Variants in EMC2 observed in about 807,000 individuals in gnomAD.
EMC2 encodes TPR repeat protein 35.
A neutral mutation model predicts 51.6 loss-of-function variants in EMC2; 37 were observed. The observed-to-expected ratio is 0.72, with a 90% confidence interval of 0.55 to 0.94. The LOEUF (loss-of-function observed/expected upper bound fraction) is 0.94. Ranked by LOEUF, EMC2 falls within the 40% of genes least tolerant of loss-of-function variation. The pLI is 0.00. For synonymous variants in EMC2, 131 were observed against 112.4 expected, an observed-to-expected ratio of 1.17 and a Z score of -1.04; for missense variants, 359 against 350.9, an observed-to-expected ratio of 1.02 and a Z score of -0.18.
rs558105738 is a variant in EMC2, at chr8:108,460,996, A to G, written c.363+5066A>G. Among the ~76,000 whole-genome samples, 3 of 152,334 alleles carry G rather than the reference A, an allele frequency of 2.0e-5. No homozygotes were observed. In the East Asian group the frequency reaches 5.8e-4, roughly 29 times the overall value. On this transcript the variant is annotated intron_variant, in intron 5 of 10. Transcript: ENST00000220853. ...CTATATCCTTAGGAAGCACTGTGCT[A>G]GACATTGAAGGAGAAAACATAGCCA... is the stretch of plus-strand genomic sequence containing the variant.
intron 5 of EMC2, among the ~76,000 whole-genome samples, chr8:108,464,591 G>A (rs778447518): frequency 2.0e-5 from 3 of 152,220 alleles, no homozygotes; most frequent in African/African-American, 7.2e-5. Flanking sequence ...GGGTTGGTAC[G>A]GAGGACCAGG....
chr8:108,482,538 G>A (rs1299061703), intron 10 of EMC2, among the ~76,000 whole-genome samples: 2 of 151,484 alleles, frequency 1.3e-5, no homozygotes, highest in East Asian at 1.9e-4. Context: ...TTTACTTTTC[G>A]TATTTAATCC....
At chr8:108,461,117 A>G (rs541850168) in intron 5 of EMC2, among the ~76,000 whole-genome samples, 1 of 152,330 alleles carries the variant, frequency 6.6e-6, no homozygotes, top group African/African-American at 2.4e-5. Context: ...TCTTTTTCCA[A>G]AGCAACTTAG....
intron 5 of EMC2, among the ~76,000 whole-genome samples, chr8:108,457,719 T>C (rs2130356628): frequency 6.6e-6 from 1 of 152,288 alleles, no homozygotes; most frequent in African/African-American, 2.4e-5. Flanking sequence ...CATATGTGAA[T>C]TGTGGAAGTT....
intron 5 of EMC2, among the ~76,000 whole-genome samples, chr8:108,467,568 GTCTA>G (rs1483951864): frequency 6.6e-6 from 1 of 151,922 alleles, no homozygotes; most frequent in African/African-American, 2.4e-5. Flanking sequence ...TTTTAAAAAT[GTCTA>G]TTTATTTTTA....
At chr8:108,479,187 C>T in intron 10 of EMC2, 77 bp downstream of exon 10, 6 of 709,194 alleles carry the variant, frequency 8.5e-6, no homozygotes, top group Non-Finnish European at 1.3e-5. Flanking sequence ...ACTACAAAGT[C>T]GTATGTCTAG....
chr8:108,461,678 A>G (rs1251252830), intron 5 of EMC2, among the ~76,000 whole-genome samples: 3 of 152,164 alleles, frequency 2.0e-5, no homozygotes, highest in African/African-American at 7.2e-5. Flanking sequence ...GGAATGGCAT[A>G]CCTTCTTCCC....
intron 5 of EMC2, among the ~76,000 whole-genome samples, chr8:108,463,278 T>C (rs1047176530): frequency 1.2e-4 from 18 of 152,242 alleles, no homozygotes; most frequent in African/African-American, 3.9e-4. Flanking sequence ...ATTTGGAGGC[T>C]GTTCTTAGGC....
intron 5 of EMC2, among the ~76,000 whole-genome samples, chr8:108,460,789 G>A (rs535463586): frequency 4.3e-4 from 65 of 152,288 alleles, no homozygotes; most frequent in African/African-American, 5.8e-4. Context: ...ATCCCTTAGC[G>A]GTTAGGTAAA....
intron 5 of EMC2, among the ~76,000 whole-genome samples, chr8:108,463,770 A>C (rs927014264): frequency 6.6e-6 from 1 of 152,196 alleles, no homozygotes; most frequent in Non-Finnish European, 1.5e-5. Flanking sequence ...TCTTCAGAAC[A>C]GTCACAACAC....
intron 1 of EMC2, among the ~76,000 whole-genome samples, chr8:108,447,548 A>G (rs1435312563): frequency 6.6e-6 from 1 of 152,230 alleles, no homozygotes; most frequent in African/African-American, 2.4e-5. Context: ...TGGAAAAGAT[A>G]CAGGATTGGA....
At position 108,469,936 on chromosome 8, in the gene EMC2, GTT is replaced by G. The variant is rs750957598; in HGVS notation, c.449+28_449+29del. ...AGTGAGTATTTTACAAGAGGATTGTGTTTTGTTATTCTGATAAATCTTTTTTA... is the reference window on the plus strand; with the variant it reads ...AGTGAGTATTTTACAAGAGGATTGTGTTGTTATTCTGATAAATCTTTTTTA... On this transcript the variant is annotated intron_variant, in intron 6 of 10. Coordinates refer to ENST00000220853, the MANE Select transcript of EMC2 (RefSeq NM_014673.5). The G allele has an allele frequency of 1.6e-4, 257 of 1,579,940 alleles. 1 individual carries two copies. The Middle Eastern group carries it at 1.8e-3, about 11-fold the overall frequency.
At chr8:108,457,244 G>A (rs1470126316) in intron 5 of EMC2, among the ~76,000 whole-genome samples, 1 of 151,968 alleles carries the variant, frequency 6.6e-6, no homozygotes, top group African/African-American at 2.4e-5. Context: ...CCACCCCAGG[G>A]AGATTTTCTG....
intron 10 of EMC2, among the ~76,000 whole-genome samples, chr8:108,481,439 G>T (rs1392041922): frequency 1.3e-5 from 2 of 151,892 alleles, no homozygotes; most frequent in African/African-American, 4.8e-5. Context: ...GCTTGGGGGT[G>T]TGTGGGTGTG....
chr8:108,453,849 T>C (rs1484070248), intron 4 of EMC2, among the ~76,000 whole-genome samples: 1 of 152,192 alleles, frequency 6.6e-6, no homozygotes, highest in Non-Finnish European at 1.5e-5. Flanking sequence ...GATTCATCTA[T>C]TTCTCCTTGC....
rs540850667 is a variant in EMC2, at chr8:108,476,726, G to A, written c.592-56G>A. 4.1e-5 allele frequency: 32 copies of A among 778,922 alleles called. No individual in the cohort carries two copies. In the African/African-American group the frequency reaches 5.0e-4, roughly 12 times the overall value. 48.3% of individuals were successfully genotyped at this position (778,922 alleles called of 1,614,324 possible). On this transcript the variant is annotated intron_variant, in intron 8 of 10. Coordinates refer to ENST00000220853, the MANE Select transcript of EMC2 (RefSeq NM_014673.5). ...AATGCCTATGGTATGATGAAACCAT[G>A]CTATATTTCAAAGTAGTAAAATAAA...
chr8:108,456,380 G>A (rs567963153), intron 5 of EMC2, among the ~76,000 whole-genome samples: 13 of 146,074 alleles, frequency 8.9e-5, no homozygotes, highest in South Asian at 2.2e-4. Flanking sequence ...AGAAGATACC[G>A]TATTAGAGAA....
At chr8:108,454,651 A>G (rs1474626155) in intron 4 of EMC2, among the ~76,000 whole-genome samples, 1 of 151,978 alleles carries the variant, frequency 6.6e-6, no homozygotes, top group Non-Finnish European at 1.5e-5. Context: ...ACCTTTATTT[A>G]TTCATTTTCT....
At chr8:108,461,156 A>T (rs1469448501) in intron 5 of EMC2, among the ~76,000 whole-genome samples, 1 of 152,040 alleles carries the variant, frequency 6.6e-6, no homozygotes. Context: ...GTCTAGTTTT[A>T]TTCTCATTTA....
Sources: gnomAD v4.1 joint callset for allele counts (sites outside exome capture counted in the v4.1 genomes callset) on GRCh38, gnomAD v4.1.1 for gene constraint, MANE v1.5 for transcripts, NCBI Gene and HGNC (gene_info 2026-07-23, HGNC 2026-07-21) for gene names.